The following ITGB7 variants were observed in gnomAD, a reference collection of about 807,000 sequenced individuals.
ITGB7 encodes integrin beta-7.
A neutral mutation model predicts 83.4 loss-of-function variants in ITGB7; 55 were observed. The observed-to-expected ratio is 0.66, with a 90% CI of 0.53 to 0.83. ITGB7 has a LOEUF of 0.83. Among genes scored for constraint, ITGB7 ranks in the 40% least tolerant of loss-of-function variants. The pLI, the probability that ITGB7 is intolerant of heterozygous loss-of-function variation, is 0.00. For synonymous variants in ITGB7, 454 were observed against 423.6 expected (o/e 1.07, Z -0.88); for missense variants, 921 against 1,046.7 (o/e 0.88, Z 1.66).
intron 3 of ITGB7, 96 bp downstream of exon 3, chr12:53,200,147 T>G (rs3825084): frequency 0.13 from 144,356 of 1,069,732 alleles, 10,320 homozygotes; most frequent in Admixed American, 0.17. Flanking sequence ...ATCATACATG[T>G]GCCCACACAA....
intron 1 of ITGB7, among the ~76,000 whole-genome samples, chr12:53,201,697 G>A (rs765015182): frequency 6.3e-4 from 96 of 151,778 alleles, no homozygotes; most frequent in African/African-American, 1.9e-3. Context: ...GGAATTGCTC[G>A]GAACCCCAAA....
intron 3 of ITGB7, among the ~76,000 whole-genome samples, chr12:53,199,839 C>T (rs1942281005): frequency 6.6e-6 from 1 of 152,210 alleles, no homozygotes; most frequent in Admixed American, 6.5e-5. Flanking sequence ...GTTGCTTAAA[C>T]CACCCAGCTT....
rs1942308008 is a variant in ITGB7 at position 53,200,858 on chromosome 12, G to T, written c.-4+214C>A. 2.0e-5 allele frequency among the ~76,000 whole-genome samples: 3 copies of T among 150,814 alleles called. No homozygotes were observed. The South Asian group carries it at 6.3e-4, about 32-fold the overall frequency. ...GCAAGAGAATTGCTTGAACCAGGGA[G>T]GCGGAGGTTGTAGTGAGCCGAGATC... On this transcript the variant is annotated intron_variant, in intron 2 of 15. Transcript: ENST00000267082.
intron 3 of ITGB7, among the ~76,000 whole-genome samples, chr12:53,199,367 C>A (rs535260943): frequency 1.2e-4 from 18 of 152,294 alleles, no homozygotes; most frequent in Non-Finnish European, 2.2e-4. Flanking sequence ...TCCAGTCCCC[C>A]TCAAGCCCAT....
chr12:53,196,294 T>C, intron 6 of ITGB7, 95 bp from the exon 7 acceptor site: 1 of 1,444,184 alleles, frequency 6.9e-7, no homozygotes. Flanking sequence ...CCAGCCTCAC[T>C]CTGAGTCAGC....
chr12:53,200,785 C>T (rs1319999242), intron 2 of ITGB7, among the ~76,000 whole-genome samples: 1 of 151,968 alleles, frequency 6.6e-6, no homozygotes, highest in African/African-American at 2.4e-5. Flanking sequence ...AAAAATTAGT[C>T]AGGCATGGTG....
rs1425278861 is a variant in ITGB7 at position 53,197,738 on chromosome 12, C to A, written c.403+12G>T. On this transcript the variant is annotated intron_variant, in intron 4 of 15. Transcript: ENST00000267082. ...CTAGACCTCTGGCCTGGCCCCGCCT[C>A]CCCTAACTCACCAGGCCGCAGCGTG... 1.3e-6 allele frequency: 2 copies of A among 1,584,958 alleles called. No individual in the cohort carries two copies. Among genetic ancestry groups the A allele is most frequent in the East Asian group, 4.7e-5 (2 of 42,768 alleles).
chr12:53,199,895 C>A (rs1417353570), intron 3 of ITGB7, among the ~76,000 whole-genome samples: 3 of 152,158 alleles, frequency 2.0e-5, no homozygotes, highest in East Asian at 3.8e-4. Context: ...ACCTTTCTCC[C>A]ATGTTTACAT....
chr12:53,197,458 A>G (rs1446546630), intron 5 of ITGB7, 35 bp downstream of exon 5: 2 of 1,613,092 alleles, frequency 1.2e-6, no homozygotes, highest in Non-Finnish European at 1.7e-6. Context: ...TGAATAGGCA[A>G]GGGCTAACAG....
At position 53,197,903 on chromosome 12, in the gene ITGB7, C is replaced by T. The variant is rs113155464; in HGVS notation, c.250G>A (p.Glu84Lys). 6.5e-7 allele frequency: 1 copy of T among 1,546,458 alleles called. No individual in the cohort carries two copies. The highest frequency in any genetic ancestry group is 8.7e-7 in the Non-Finnish European group (1 of 1,153,986). Residue 84 changes from glutamate to lysine, a missense_variant, in exon 4 of 16, where the codon GAG becomes AAG. Transcript: ENST00000267082. Reference sequence around the variant, plus strand: ...GGGCAGCCTCGAGCCAGCAGCTCCTCTCGTCGGGCGCAGCGCCGCGCCTCC... The same window carrying T: ...GGGCAGCCTCGAGCCAGCAGCTCCTTTCGTCGGGCGCAGCGCCGCGCCTCC... ...EAEARRCARREELLARGCPLE... is the reference protein window; with the variant it reads ...EAEARRCARRKELLARGCPLE...
In ITGB7 at chr12:53,193,273, A is replaced by G. The variant is rs1942033784; in HGVS notation, c.1593T>C (p.Asn531=). ...PDLESGCRAP[N]GTGPLCSGKG... Reference sequence around the variant, plus strand: ...TTCCACTGCACAGGGGCCCTGTGCCATTGGGAGCCCGGCACCCAGATTCCA... The same window carrying G: ...TTCCACTGCACAGGGGCCCTGTGCCGTTGGGAGCCCGGCACCCAGATTCCA... The change falls in exon 12 of 16, where the codon AAT becomes AAC. Residue 531 remains asparagine (N), a synonymous_variant. Transcript: ENST00000267082. The G allele has an allele frequency of 1.2e-6, 2 of 1,613,678 alleles. No homozygotes were observed. The highest frequency in any genetic ancestry group is 1.7e-6 in the Non-Finnish European group (2 of 1,179,662).
Position 53,194,318 on chromosome 12 carries a change from T to C in ITGB7, c.1188A>G (p.Glu396=). Residue 396 remains glutamate (E), a synonymous_variant, in exon 10 of 16, where the codon GAA becomes GAG. Transcript: ENST00000267082. ...YNSLSSTVTL[E]HSSLPPGVHI... ...GGACCCCAGGAGGGAGTGAAGAGTG[T>C]TCAAGGGTCACGGTGGAAGACAGGC... The C allele has an allele frequency of 6.2e-7, 1 of 1,613,890 alleles. No homozygotes were observed. Among genetic ancestry groups the C allele is most frequent in the Non-Finnish European group, 8.5e-7 (1 of 1,179,972 alleles).
At chr12:53,202,222 G>C (rs1165700784) in intron 1 of ITGB7, among the ~76,000 whole-genome samples, 2 of 152,014 alleles carry the variant, frequency 1.3e-5, no homozygotes, top group Non-Finnish European at 1.5e-5. Context: ...AGCTGGGTGT[G>C]GTGGTGGGCG....
Position 53,194,077 on chromosome 12 carries a change from G to A in ITGB7, c.1308+121C>T, listed in dbSNP as rs1003891788. The A allele has an allele frequency of 2.1e-6, 3 of 1,444,548 alleles. No individual in the cohort carries two copies. In the African/African-American group the frequency reaches 4.2e-5, roughly 20 times the overall value. The allele number at this position is 1,444,548 out of a possible 1,614,324, so 89.5% of individuals were successfully genotyped here. A position where few individuals can be genotyped will look rare whatever the true frequency, so the allele number is the denominator to read the frequency against. ...TCAGACTGCTCCAGGAAGGATGGAT[G>A]GAGGACTACCTCAGGCTCTCATGTC... On this transcript the variant is annotated intron_variant, in intron 10 of 15. Coordinates refer to ENST00000267082, the MANE Select transcript of ITGB7 (RefSeq NM_000889.3).
intron 9 of ITGB7, 96 bp from the exon 10 acceptor site, chr12:53,194,440 C>G (rs1314340191): frequency 7.7e-6 from 10 of 1,294,674 alleles, no homozygotes; most frequent in Non-Finnish European, 9.7e-6. Flanking sequence ...TCTGCCAGCA[C>G]CCTGCCCTCT....
intron 12 of ITGB7, 99 bp from the exon 13 acceptor site, chr12:53,193,009 T>C (rs950673632): frequency 3.5e-5 from 49 of 1,380,926 alleles, no homozygotes; most frequent in Admixed American, 5.7e-5. Flanking sequence ...TTTTGAAGTA[T>C]GCCAACCACA....
chr12:53,196,652 C>T lies in ITGB7; in HGVS notation c.743G>A (p.Arg248His), dbSNP rs756552375. 14 of 1,611,614 alleles carry T rather than the reference C, an allele frequency of 8.7e-6. No homozygotes were observed. The highest frequency in any genetic ancestry group is 1.1e-5 in the South Asian group (1 of 90,706). ...DAQAFEREVG[R>H]QSVSGNLDSP... ...GTCCAGATTGCCGGACACACTCTGGCGCCCCACCTCCCGCTCGAAGGCTTG... is the reference window on the plus strand; with the variant it reads ...GTCCAGATTGCCGGACACACTCTGGTGCCCCACCTCCCGCTCGAAGGCTTG... The change falls in exon 6 of 16, where the codon CGC (arginine) becomes CAC (histidine). Residue 248 changes from arginine (R) to histidine (H), a missense_variant. Transcript: ENST00000267082.
In ITGB7 at chr12:53,193,164, G is replaced by A. The variant is rs770423234; in HGVS notation, c.1702C>T (p.Arg568Ter). ...LCECDDASCE[R>*]HEGILCGGFG... ...CCTCCGCAGAGGATGCCCTCATGTCGCTCACAGCTGGCATCGTCACACTCG... is the reference window on the plus strand; with the variant it reads ...CCTCCGCAGAGGATGCCCTCATGTCACTCACAGCTGGCATCGTCACACTCG... Residue 568 changes from arginine to a stop codon, truncating the protein, a stop_gained, in exon 12 of 16, where the codon CGA becomes TGA. Transcript: ENST00000267082. LOFTEE classifies it high-confidence loss of function. 4 of 1,612,572 alleles carry A rather than the reference G, an allele frequency of 2.5e-6. No homozygotes were observed. The highest frequency in any genetic ancestry group is 2.7e-5 in the African/African-American group (2 of 74,868).
intron 3 of ITGB7, 93 bp from the exon 4 acceptor site, chr12:53,198,044 T>G: frequency 1.1e-6 from 1 of 934,174 alleles, no homozygotes; most frequent in Non-Finnish European, 1.6e-6. Context: ...CCACCTCTAA[T>G]GCCCCCACCT....
Sources: allele counts gnomAD v4.1 joint callset (sites outside exome capture counted in the v4.1 genomes callset), GRCh38; gene constraint gnomAD v4.1.1; transcripts MANE v1.5; gene names NCBI Gene and HGNC (gene_info 2026-07-23, HGNC 2026-07-21).